ZNF671: variants seen among roughly 807,000 people sequenced by gnomAD.
ZNF671 encodes hypothetical protein FLJ23506.
A neutral mutation model predicts 16.6 loss-of-function variants in ZNF671; 19 were observed. The observed-to-expected ratio is 1.14, with a 90% CI of 0.80 to 1.68. The LOEUF (loss-of-function observed/expected upper bound fraction) is 1.68. Ranked by LOEUF, ZNF671 falls within the 40% of genes most tolerant of loss-of-function variation. The pLI is 0.00. For synonymous variants in ZNF671, 238 were observed against 236.3 expected (o/e 1.01, Z -0.06); for missense variants, 637 against 659.8 (o/e 0.97, Z 0.38).
intron 1 of ZNF671, among the ~76,000 whole-genome samples, chr19:57,726,735 CTG>C (rs1340095353): frequency 6.6e-6 from 1 of 152,222 alleles, no homozygotes; most frequent in Admixed American, 6.5e-5. Flanking sequence ...AGCCTCCACT[CTG>C]AGACATCTCA....
In ZNF671 at chr19:57,720,840, G is replaced by A. The variant is rs753776317; in HGVS notation, c.1246C>T (p.Gln416Ter). The stretch of plus-strand genomic sequence containing the variant: ...GGCCTTTCTCCAGTGTGAGTTCGTT[G>A]GTGCAGAACAAGTGTGTGTTTCCGA... ...FSRKHTLVLH[Q>*]RTHTGERPYE... Residue 416 changes from glutamine (Q) to a stop codon, truncating the protein, a stop_gained, in exon 4 of 4, where the codon CAA becomes TAA. Coordinates refer to ENST00000317398, the MANE Select transcript of ZNF671 (RefSeq NM_024833.3). LOFTEE classifies it low-confidence loss of function (END_TRUNC). 6.2e-7 allele frequency: 1 copy of A among 1,614,158 alleles called. No individual in the cohort carries two copies. Among genetic ancestry groups the A allele is most frequent in the Non-Finnish European group, 8.5e-7 (1 of 1,180,044 alleles).
intron 1 of ZNF671, among the ~76,000 whole-genome samples, chr19:57,725,329 G>A (rs978536979): frequency 2.0e-5 from 3 of 151,862 alleles, no homozygotes; most frequent in Non-Finnish European, 4.4e-5. Context: ...AGCTGGGCGT[G>A]GTGGCGGGTG....
At chr19:57,722,460 T>C (rs761427787) in intron 2 of ZNF671, 22 bp from the exon 3 acceptor site, 2 of 1,611,740 alleles carry the variant, frequency 1.2e-6, no homozygotes, top group Admixed American at 1.7e-5. Context: ...TCAGAACAGG[T>C]GAGCAGCCAG....
In ZNF671 at chr19:57,721,106, T is replaced by A. The variant is rs779006371; in HGVS notation, c.980A>T (p.Asp327Val). 11 of 1,613,986 alleles carry A rather than the reference T, an allele frequency of 6.8e-6. No individual in the cohort carries two copies. In the African/African-American group the frequency reaches 1.5e-4, roughly 22 times the overall value. Reference protein sequence around the residue: ...ECGKFFSQSYDLFKHQTVHTG... With the variant: ...ECGKFFSQSYVLFKHQTVHTG... ...GTGAACTGTCTGGTGTTTAAAGAGG[T>A]CATAGCTTTGGCTGAAGAATTTCCC... is the stretch of plus-strand genomic sequence containing the variant. Residue 327 changes from aspartate (D) to valine (V), a missense_variant, in exon 4 of 4, where the codon GAC becomes GTC. Transcript: ENST00000317398.
At position 57,723,329 on chromosome 19, in the gene ZNF671, G is replaced by T. The variant is rs774182288; in HGVS notation, c.150C>A (p.Val50=). The T allele has an allele frequency of 1.9e-6, 3 of 1,611,602 alleles. No individual in the cohort carries two copies. The African/African-American group carries it at 4.0e-5, about 22-fold the overall frequency. Residue 50 remains valine, a synonymous_variant, in exon 2 of 4, where the codon GTC becomes GTA. Coordinates refer to ENST00000317398, the MANE Select transcript of ZNF671 (RefSeq NM_024833.3). Reference sequence around the variant, plus strand: ...AGAAGTATACAAACACATCCTCAAAGACCACACAGCCCTGCAACAAAAGGG... The same window carrying T: ...AGAAGTATACAAACACATCCTCAAATACCACACAGCCCTGCAACAAAAGGG... ...ELTDSARGCV[V]FEDVFVYFSR...
rs184098934 is a variant in ZNF671 at position 57,724,158 on chromosome 19, C to A, written c.139-818G>T. On this transcript the variant is annotated intron_variant, in intron 1 of 3. Transcript: ENST00000317398. Reference sequence around the variant, plus strand: ...TTGCTCTGAAAGCCTCCCAATCTGGCCCTGTTCCTTTTTTCAATCACAGGC... The same window carrying A: ...TTGCTCTGAAAGCCTCCCAATCTGGACCTGTTCCTTTTTTCAATCACAGGC... Among the ~76,000 whole-genome samples the A allele has an allele frequency of 8.8e-4, 134 of 152,238 alleles. 1 individual carries two copies. The highest frequency in any genetic ancestry group is 3.1e-3 in the African/African-American group (130 of 41,546).
At position 57,720,495 on chromosome 19, in the gene ZNF671, C is replaced by A. The variant is rs757286580; in HGVS notation, c.1591G>T (p.Gly531Ter). The A allele has an allele frequency of 6.8e-6, 11 of 1,612,230 alleles. No homozygotes were observed. Among genetic ancestry groups the A allele is most frequent in the Non-Finnish European group, 9.3e-6 (11 of 1,178,536 alleles). ...TLVLHQRVHA[G>*]EKL ...TTGCTACACTCTTAAAGCTTTTCTC[C>A]AGCATGAACCCTCTGGTGCAGAACA... is the stretch of plus-strand genomic sequence containing the variant. Residue 531 changes from glycine (G) to a stop codon, truncating the protein, a stop_gained, in exon 4 of 4, where the codon GGA becomes TGA. Coordinates refer to ENST00000317398, the MANE Select transcript of ZNF671 (RefSeq NM_024833.3). LOFTEE classifies it high-confidence loss of function.
At position 57,727,517 on chromosome 19, in the gene ZNF671, T is replaced by C; in HGVS notation, c.12A>G (p.Pro4=). The C allele has an allele frequency of 6.2e-7, 1 of 1,604,544 alleles. No homozygotes were observed. Among genetic ancestry groups the C allele is most frequent in the Non-Finnish European group, 8.5e-7 (1 of 1,172,842 alleles). The stretch of plus-strand genomic sequence containing the variant: ...GAGCATCAGACGCGTCTCGGGACAC[T>C]GGGGACAACATCTCCTCCGCGCTTT... MLS[P]VSRDASDALQ... is the part of the protein sequence containing the mutation. Residue 4 remains proline, a synonymous_variant, in exon 1 of 4, where the codon CCA becomes CCG. Coordinates refer to ENST00000317398, the MANE Select transcript of ZNF671 (RefSeq NM_024833.3).
chr19:57,722,473 C>T (rs372224227), intron 2 of ZNF671, 35 bp from the exon 3 acceptor site: 1 of 1,609,680 alleles, frequency 6.2e-7, no homozygotes, highest in Non-Finnish European at 8.5e-7. Flanking sequence ...GCAGCCAGCA[C>T]TGGCCCATGG....
In ZNF671 at chr19:57,722,363, T is replaced by G; in HGVS notation, c.341A>C (p.Asp114Ala). 1 of 1,614,172 alleles carries G rather than the reference T, an allele frequency of 6.2e-7. No homozygotes were observed. Reference protein sequence around the residue: ...GEEPWVYDQVDMTSATEREAQ... With the variant: ...GEEPWVYDQVAMTSATEREAQ... ...CTCTCTTTCTGTGGCTGAAGTCATA[T>G]CCACCTGGTCATACACCCAGGGCTC... is the stretch of plus-strand genomic sequence containing the variant. The change falls in exon 3 of 4, where the codon GAT becomes GCT. Residue 114 changes from aspartate to alanine, a missense_variant. Physicochemically the swap from Asp to Ala is moderately radical, Grantham distance 126. Coordinates refer to ENST00000317398, the MANE Select transcript of ZNF671 (RefSeq NM_024833.3).
Position 57,721,634 on chromosome 19 carries a change from A to G in ZNF671, c.452T>C (p.Val151Ala). The change falls in exon 4 of 4, where the codon GTG becomes GCG. Residue 151 changes from valine (V) to alanine (A), a missense_variant. Transcript: ENST00000317398. ...SSEQSIFVAGVSEVRTLMAEL... is the reference protein window; with the variant it reads ...SSEQSIFVAGASEVRTLMAEL... ...TGCCATGAGAGTCCTGACCTCTGAC[A>G]CTCCTGCTACAAAAATGCTCTGCTC... The G allele has an allele frequency of 4.3e-6, 7 of 1,614,092 alleles. No individual in the cohort carries two copies. The highest frequency in any genetic ancestry group is 5.9e-6 in the Non-Finnish European group (7 of 1,180,012).
rs148714900 is a variant in ZNF671 at position 57,720,944 on chromosome 19, T to G, written c.1142A>C (p.Lys381Thr). 27 of 1,614,142 alleles carry G rather than the reference T, an allele frequency of 1.7e-5. No homozygotes were observed. In the Admixed American group the frequency reaches 4.0e-4, roughly 24 times the overall value. Residue 381 changes from lysine to threonine, a missense_variant, in exon 4 of 4, where the codon AAG (lysine) becomes ACG (threonine). Physicochemically the swap from Lys to Thr is moderately conservative, Grantham distance 78. Transcript: ENST00000317398. Reference protein sequence around the residue: ...CGKCGKFFSSKSNLIRHQEVH... With the variant: ...CGKCGKFFSSTSNLIRHQEVH... ...TTCCTGGTGTCGAATGAGATTAGAC[T>G]TACTGCTAAAAAATTTCCCACATTT...
At chr19:57,724,358 A>T (rs529157399) in intron 1 of ZNF671, among the ~76,000 whole-genome samples, 274 of 152,230 alleles carry the variant, frequency 1.8e-3, no homozygotes, top group African/African-American at 6.4e-3. Context: ...CCCTGATTTA[A>T]AGTGAGAGAT....
At chr19:57,725,673 A>G (rs1986020572) in intron 1 of ZNF671, among the ~76,000 whole-genome samples, 1 of 151,016 alleles carries the variant, frequency 6.6e-6, no homozygotes, top group Non-Finnish European at 1.5e-5. Context: ...ATGGTGGCTC[A>G]CTCTTGTAAT....
intron 2 of ZNF671, 62 bp from the exon 3 acceptor site, chr19:57,722,500 G>A (rs1985916028): frequency 1.9e-6 from 3 of 1,596,942 alleles, no homozygotes; most frequent in Middle Eastern, 3.3e-4. Flanking sequence ...ACCCTATGAT[G>A]GACTTCAGGT....
Position 57,721,120 on chromosome 19 carries a change from G to T in ZNF671, c.966C>A (p.Phe322Leu). 1 of 1,613,970 alleles carries T rather than the reference G, an allele frequency of 6.2e-7. No individual in the cohort carries two copies. The highest frequency in any genetic ancestry group is 8.5e-7 in the Non-Finnish European group (1 of 1,179,984). Residue 322 changes from phenylalanine (F) to leucine (L), a missense_variant, in exon 4 of 4, where the codon TTC becomes TTA. By Grantham distance (22) the Phe-to-Leu change is conservative (BLOSUM62 0). Transcript: ENST00000317398. ...PYECNECGKFFSQSYDLFKHQ... is the reference protein window; with the variant it reads ...PYECNECGKFLSQSYDLFKHQ... ...GTTTAAAGAGGTCATAGCTTTGGCT[G>T]AAGAATTTCCCACATTCGTTACACT...
At chr19:57,727,359 G>C (rs1419388819) in intron 1 of ZNF671, 32 bp downstream of exon 1, 2 of 1,576,036 alleles carry the variant, frequency 1.3e-6, no homozygotes, top group African/African-American at 2.7e-5. Flanking sequence ...CGGAGAAAGG[G>C]TGACTGAGGG....
At chr19:57,721,991 G>C (rs568019958) in intron 3 of ZNF671, 59 of 551,998 alleles carry the variant, frequency 1.1e-4, no homozygotes, top group South Asian at 3.5e-4. Flanking sequence ...TCCAGTCCCA[G>C]GAAAATCCAA....
rs376011544 is a variant in ZNF671 at position 57,727,474 on chromosome 19, G to A, written c.55C>T (p.Leu19=). The A allele has an allele frequency of 1.9e-6, 3 of 1,613,284 alleles. No homozygotes were observed. Among genetic ancestry groups the A allele is most frequent in the South Asian group, 1.1e-5 (1 of 91,036 alleles). ...ASDALQGRKC[L]RPRSRRLPLP... is the part of the protein sequence containing the mutation. ...GGCAGGCGTCTCGATCGGGGACGCA[G>A]GCACTTCCGTCCCTGCAGAGCATCA... Residue 19 remains leucine (L), a synonymous_variant, in exon 1 of 4, where the codon CTG becomes TTG. Coordinates refer to ENST00000317398, the MANE Select transcript of ZNF671 (RefSeq NM_024833.3).
Sources: allele counts gnomAD v4.1 joint callset (sites outside exome capture counted in the v4.1 genomes callset), GRCh38; gene constraint gnomAD v4.1.1; transcripts MANE v1.5; gene names NCBI Gene and HGNC (gene_info 2026-07-23, HGNC 2026-07-21).